The following VPS13B variants were observed in gnomAD, a reference collection of about 807,000 sequenced individuals.
The protein encoded by VPS13B is vacuolar protein sorting 13 homolog B.
In VPS13B, 285 loss-of-function variants were observed where a neutral mutation model predicts 426.4. The observed-to-expected ratio is 0.67, with a 90% CI of 0.61 to 0.74. The LOEUF (loss-of-function observed/expected upper bound fraction) is 0.74. Ranked by LOEUF, VPS13B falls within the 30% of genes least tolerant of loss-of-function variation. VPS13B has a pLI of 0.00. For synonymous variants in VPS13B, 1,676 were observed against 1,676.4 expected (o/e 1.00, Z 0.01); for missense variants, 4,537 against 4,782.6 (o/e 0.95, Z 1.51).
At chr8:99,366,000 T>A (rs1054443167) in intron 19 of VPS13B, among the ~76,000 whole-genome samples, 16 of 152,046 alleles carry the variant, frequency 1.1e-4, no homozygotes, top group Non-Finnish European at 1.6e-4. Context: ...TTAAGACTTG[T>A]TTTGTGACCT....
At chr8:99,079,225 AT>A (rs990955232) in intron 3 of VPS13B, among the ~76,000 whole-genome samples, 2 of 151,954 alleles carry the variant, frequency 1.3e-5, no homozygotes, top group African/African-American at 4.8e-5. Flanking sequence ...CTGTCCTTTG[AT>A]TCCTGGATGG....
At chr8:99,294,789 G>A (rs2133055206) in intron 19 of VPS13B, among the ~76,000 whole-genome samples, 1 of 152,212 alleles carries the variant, frequency 6.6e-6, no homozygotes, top group Admixed American at 6.5e-5. Context: ...ATTGCATAAA[G>A]ACACCCTTTT....
At chr8:99,504,015 G>A (rs1289826308) in intron 27 of VPS13B, among the ~76,000 whole-genome samples, 1 of 152,144 alleles carries the variant, frequency 6.6e-6, no homozygotes, top group Non-Finnish European at 1.5e-5. Flanking sequence ...ATCTCATGTG[G>A]AAATGTGATC....
chr8:99,547,728 A>T (rs917568910), intron 30 of VPS13B, among the ~76,000 whole-genome samples: 2 of 152,108 alleles, frequency 1.3e-5, no homozygotes, highest in Non-Finnish European at 2.9e-5. Flanking sequence ...CCACCTGCTG[A>T]ATGGTTCAAA....
At chr8:99,847,178 AT>A (rs1285963888) in intron 54 of VPS13B, among the ~76,000 whole-genome samples, 1 of 152,222 alleles carries the variant, frequency 6.6e-6, no homozygotes, top group Non-Finnish European at 1.5e-5. Context: ...AATAGGGCAA[AT>A]TCAGAATACA....
intron 61 of VPS13B, among the ~76,000 whole-genome samples, chr8:99,874,435 C>T (rs1281812574): frequency 2.0e-5 from 3 of 152,182 alleles, no homozygotes; most frequent in Non-Finnish European, 1.5e-5. Context: ...TCTCTGCCAT[C>T]GCACGGACTT....
At chr8:99,172,827 A>T (rs1159448307) in intron 16 of VPS13B, among the ~76,000 whole-genome samples, 2 of 152,206 alleles carry the variant, frequency 1.3e-5, no homozygotes, top group East Asian at 3.9e-4. Flanking sequence ...AGTCTTTATG[A>T]CGTACTTTTG....
intron 39 of VPS13B, among the ~76,000 whole-genome samples, chr8:99,723,021 A>G (rs935773426): frequency 3.9e-5 from 6 of 152,198 alleles, no homozygotes; most frequent in Non-Finnish European, 8.8e-5. Flanking sequence ...AAGATAGTAC[A>G]TTTACTAGTG....
At chr8:99,192,296 T>A (rs1813645645) in intron 16 of VPS13B, among the ~76,000 whole-genome samples, 1 of 152,218 alleles carries the variant, frequency 6.6e-6, no homozygotes, top group African/African-American at 2.4e-5. Context: ...CTGCATGTAA[T>A]GTAAATACTT....
intron 19 of VPS13B, among the ~76,000 whole-genome samples, chr8:99,305,562 A>G (rs1164143986): frequency 6.6e-6 from 1 of 152,104 alleles, no homozygotes; most frequent in Non-Finnish European, 1.5e-5. Context: ...TTATCAAACA[A>G]TATGATCATT....
chr8:99,360,437 C>T (rs1399922684), intron 19 of VPS13B, among the ~76,000 whole-genome samples: 9 of 151,290 alleles, frequency 5.9e-5, no homozygotes, highest in South Asian at 2.1e-4. Context: ...ACCACCTGCC[C>T]GGCTAATTTT....
Position 99,045,418 on chromosome 8 carries a change from A to G in VPS13B, c.291+6852A>G, listed in dbSNP as rs532732684. 9.2e-4 allele frequency among the ~76,000 whole-genome samples: 139 copies of G among 150,434 alleles called. 1 individual carries two copies. Among genetic ancestry groups the G allele is most frequent in the African/African-American group, 2.8e-3 (115 of 40,870 alleles). ...TGGGATTGTTTTTTTTTTCTTGCTA[A>G]TTTGCTTGTGTTCGTTGTAGATTCT... On this transcript the variant is annotated intron_variant, in intron 3 of 61. Coordinates refer to ENST00000357162, the MANE Select transcript of VPS13B (RefSeq NM_152564.5).
intron 19 of VPS13B, among the ~76,000 whole-genome samples, chr8:99,283,610 T>C (rs563965308): frequency 6.6e-6 from 1 of 152,268 alleles, no homozygotes; most frequent in South Asian, 2.1e-4. Context: ...GGAGTTTTGA[T>C]GGTAGATGCT....
intron 39 of VPS13B, among the ~76,000 whole-genome samples, chr8:99,736,669 T>C (rs1833845008): frequency 6.6e-6 from 1 of 152,188 alleles, no homozygotes; most frequent in Admixed American, 6.5e-5. Flanking sequence ...GCTATATTCA[T>C]GTGCTATTGT....
At chr8:99,614,943 C>T (rs963531973) in intron 33 of VPS13B, among the ~76,000 whole-genome samples, 1 of 151,598 alleles carries the variant, frequency 6.6e-6, no homozygotes, top group Non-Finnish European at 1.5e-5. Flanking sequence ...CATGGAGAAA[C>T]CCCGTCTCTA....
intron 52 of VPS13B, among the ~76,000 whole-genome samples, chr8:99,834,342 C>T (rs868495269): frequency 1.3e-5 from 2 of 152,078 alleles, no homozygotes; most frequent in Non-Finnish European, 2.9e-5. Context: ...AGAAGGCAAC[C>T]TTTACTCACA....
chr8:99,261,799 A>G lies in VPS13B; in HGVS notation c.2516-12399A>G, dbSNP rs144755920. On this transcript the variant is annotated intron_variant, in intron 17 of 61. Transcript: ENST00000357162. ...AAGAATGTATGTGGTTAGTGTGACA[A>G]AGACATGTAGGAGAGATTGTGATTC... 3.3e-5 allele frequency among the ~76,000 whole-genome samples: 5 copies of G among 152,284 alleles called. No individual in the cohort carries two copies. The East Asian group carries it at 9.6e-4, about 29-fold the overall frequency.
At chr8:99,291,169 G>T in intron 19 of VPS13B, among the ~76,000 whole-genome samples, 1 of 152,060 alleles carries the variant, frequency 6.6e-6, no homozygotes, top group East Asian at 1.9e-4. Context: ...ATTACAGGAG[G>T]TGATTAATTG....
chr8:99,152,966 C>T (rs1811152578), intron 14 of VPS13B, among the ~76,000 whole-genome samples: 1 of 152,034 alleles, frequency 6.6e-6, no homozygotes, highest in Non-Finnish European at 1.5e-5. Context: ...CACTTGAGCC[C>T]AGGAGTTTGA....
Sources: allele counts gnomAD v4.1 joint callset (sites outside exome capture counted in the v4.1 genomes callset), GRCh38; gene constraint gnomAD v4.1.1; transcripts MANE v1.5; gene names NCBI Gene and HGNC (gene_info 2026-07-23, HGNC 2026-07-21).